DSCAML1: variants seen among roughly 807,000 people sequenced by gnomAD.
The protein encoded by DSCAML1 is DS cell adhesion molecule like 1, also known as cell adhesion molecule DSCAML1.
In DSCAML1, 38 loss-of-function variants were observed where a neutral mutation model predicts 200.5. The observed-to-expected ratio is 0.19, with a 90% CI of 0.15 to 0.25. DSCAML1 has a LOEUF of 0.25. DSCAML1 is among the 10% of genes least tolerant of loss of function. The probability of loss-of-function intolerance (pLI) is 1.00; values close to 1 mark genes in which losing one functional copy is unlikely to be tolerated. For missense variants in DSCAML1, 2,223 were observed against 2,858.8 expected, an observed-to-expected ratio of 0.78 and a Z score of 5.07; for synonymous variants, 1,215 against 1,165.0, an observed-to-expected ratio of 1.04 and a Z score of -0.87.
chr11:117,698,066 A>G (rs7118520), intron 3 of DSCAML1, among the ~76,000 whole-genome samples: 38,005 of 152,134 alleles, frequency 0.25, 6,410 homozygotes, highest in African/African-American at 0.48. Flanking sequence ...CACTGCACCC[A>G]GCCAGAATTT....
intron 16 of DSCAML1, among the ~76,000 whole-genome samples, chr11:117,465,385 T>TGCCCCTCGCTTCCTGC (rs1185348460): frequency 6.6e-6 from 1 of 152,194 alleles, no homozygotes; most frequent in Non-Finnish European, 1.5e-5. Flanking sequence ...TCCTCTCCTG[T>TGCCCCTCGCTTCCTGC]GCCCCTCGCT....
intron 3 of DSCAML1, among the ~76,000 whole-genome samples, chr11:117,635,362 C>T (rs189837580): frequency 1.1e-4 from 17 of 152,176 alleles, no homozygotes; most frequent in South Asian, 4.2e-4. Context: ...TGTCTTTTCA[C>T]AGCGCCAGAG....
chr11:117,566,941 G>A (rs1292281949), intron 3 of DSCAML1, among the ~76,000 whole-genome samples: 3 of 151,886 alleles, frequency 2.0e-5, no homozygotes, highest in Non-Finnish European at 4.4e-5. Flanking sequence ...GTATTCCATG[G>A]TGTATATGTG....
At chr11:117,607,543 TAC>T (rs1347714032) in intron 3 of DSCAML1, among the ~76,000 whole-genome samples, 1 of 152,184 alleles carries the variant, frequency 6.6e-6, no homozygotes, top group African/African-American at 2.4e-5. Flanking sequence ...AGGGACTAGC[TAC>T]AGAGGTGCAG....
At chr11:117,689,238 T>A (rs2053456780) in intron 3 of DSCAML1, among the ~76,000 whole-genome samples, 1 of 152,234 alleles carries the variant, frequency 6.6e-6, no homozygotes, top group African/African-American at 2.4e-5. Context: ...GAAGCTGCAA[T>A]AAGCAGAGCT....
At chr11:117,477,198 GACAC>G (rs60376380) in intron 14 of DSCAML1, among the ~76,000 whole-genome samples, 2,560 of 144,656 alleles carry the variant, frequency 0.018, 83 homozygotes, top group African/African-American at 0.06. Flanking sequence ...GCTGTCCTTA[GACAC>G]ACACACACAC....
intron 8 of DSCAML1, among the ~76,000 whole-genome samples, chr11:117,510,237 G>A (rs191892154): frequency 1.7e-3 from 252 of 152,276 alleles, no homozygotes; most frequent in African/African-American, 5.9e-3. Context: ...CAGAGTGTGC[G>A]CCGTGGGAAG....
intron 3 of DSCAML1, among the ~76,000 whole-genome samples, chr11:117,666,416 CA>C (rs1351434573): frequency 6.6e-6 from 1 of 152,208 alleles, no homozygotes; most frequent in Non-Finnish European, 1.5e-5. Context: ...TACATTATAA[CA>C]GAGTACCCCT....
chr11:117,620,440 A>G (rs1009195000), intron 3 of DSCAML1, among the ~76,000 whole-genome samples: 2 of 152,132 alleles, frequency 1.3e-5, no homozygotes, highest in Admixed American at 6.5e-5. Context: ...TTATAAGGCC[A>G]TTCTGACACC....
chr11:117,477,936 T>G (rs2048831023), intron 14 of DSCAML1, among the ~76,000 whole-genome samples: 1 of 152,136 alleles, frequency 6.6e-6, no homozygotes, highest in South Asian at 2.1e-4. Flanking sequence ...TCTTTAAGAG[T>G]GCAAAGCCCT....
intron 3 of DSCAML1, among the ~76,000 whole-genome samples, chr11:117,620,223 C>A (rs1481783945): frequency 1.3e-5 from 2 of 152,144 alleles, no homozygotes; most frequent in Non-Finnish European, 1.5e-5. Flanking sequence ...GAGGAAGCAG[C>A]TCCAGCCGGC....
intron 8 of DSCAML1, among the ~76,000 whole-genome samples, chr11:117,512,132 A>C (rs1831852564): frequency 6.6e-6 from 1 of 151,952 alleles, no homozygotes; most frequent in Non-Finnish European, 1.5e-5. Flanking sequence ...TTCCAGTTTT[A>C]TCTCACACTT....
chr11:117,746,261 T>C (rs980076766), intron 3 of DSCAML1, among the ~76,000 whole-genome samples: 15 of 143,416 alleles, frequency 1.0e-4, no homozygotes, highest in African/African-American at 3.6e-4. Flanking sequence ...TGGCACATAG[T>C]GCTATATAAG....
At chr11:117,729,367 G>A (rs964507261) in intron 3 of DSCAML1, among the ~76,000 whole-genome samples, 3 of 152,128 alleles carry the variant, frequency 2.0e-5, no homozygotes, top group African/African-American at 7.2e-5. Context: ...TTAGATAATG[G>A]TTTCTTTAGA....
Position 117,428,191 on chromosome 11 carries a change from A to T in DSCAML1, c.*137T>A. On this transcript the variant is annotated 3_prime_UTR_variant, in exon 33 of 33. Transcript: ENST00000651296. ...AAAAGAGTTCTATGTACAGGCGTTC[A>T]TGATTGGGGGTTTTTGTTTTGTCGT... is the stretch of plus-strand genomic sequence containing the variant. 1.6e-6 allele frequency: 1 copy of T among 630,606 alleles called. No individual in the cohort carries two copies. The highest frequency in any genetic ancestry group is 1.9e-5 in the African/African-American group (1 of 51,604). The allele number at this position is 630,606 out of a possible 1,614,324, so 39.1% of individuals were successfully genotyped here.
At chr11:117,623,987 C>T (rs528738342) in intron 3 of DSCAML1, among the ~76,000 whole-genome samples, 26 of 152,220 alleles carry the variant, frequency 1.7e-4, no homozygotes, top group Admixed American at 5.2e-4. Context: ...AGCTGTCAAG[C>T]CTTTAGTGCA....
At chr11:117,464,221 C>T (rs951417943) in intron 17 of DSCAML1, among the ~76,000 whole-genome samples, 1 of 152,160 alleles carries the variant, frequency 6.6e-6, no homozygotes, top group African/African-American at 2.4e-5. Context: ...TGGAAGAATG[C>T]TCTGCTGCTT....
chr11:117,499,531 C>T (rs2049356699), intron 11 of DSCAML1, among the ~76,000 whole-genome samples: 1 of 152,188 alleles, frequency 6.6e-6, no homozygotes, highest in Non-Finnish European at 1.5e-5. Flanking sequence ...TTCTACCAAA[C>T]CATCAGTCCG....
chr11:117,439,895 G>A lies in DSCAML1; in HGVS notation c.3904C>T (p.Pro1302Ser). 6.2e-7 allele frequency: 1 copy of A among 1,614,192 alleles called. No individual in the cohort carries two copies. Among genetic ancestry groups the A allele is most frequent in the Non-Finnish European group, 8.5e-7 (1 of 1,180,034 alleles). The change falls in exon 22 of 33, where the codon CCT (proline) becomes TCT (serine). Residue 1302 changes from proline to serine, a missense_variant. This residue lies in a region of DSCAML1 where 614 missense variants were observed against 739.1 expected (regional missense o/e 0.83). Coordinates refer to ENST00000651296, the MANE Select transcript of DSCAML1 (RefSeq NM_020693.4). ...GGCAGCCGAACATCTTTCATCCAAG[G>A]TGTTGTCACGGTGCCCCCAAAGGAG... is the stretch of plus-strand genomic sequence containing the variant. ...IISFGGTVTT[P>S]WMKDVRLPCN...
Sources: allele counts gnomAD v4.1 joint callset (sites outside exome capture counted in the v4.1 genomes callset), GRCh38; gene constraint gnomAD v4.1.1; regional missense constraint gnomAD v4.1.1; transcripts MANE v1.5; gene names NCBI Gene and HGNC (gene_info 2026-07-23, HGNC 2026-07-21).